The following ACSL5 variants were observed in gnomAD, a reference collection of about 807,000 sequenced individuals.
The protein encoded by ACSL5 is acyl-CoA synthetase long chain family member 5, also known as long-chain-fatty-acid--CoA ligase 5.
ACSL5 carries 50 observed loss-of-function variants against 84.9 expected under a neutral mutation model. That is an observed-to-expected ratio of 0.59 (90% confidence interval 0.47 to 0.75). The LOEUF is 0.75. Ranked by LOEUF, ACSL5 falls within the 30% of genes least tolerant of loss-of-function variation. ACSL5 has a pLI of 0.00. For missense variants in ACSL5, 775 were observed against 830.4 expected, an observed-to-expected ratio of 0.93 and a Z score of 0.82; for synonymous variants, 280 against 300.7, an observed-to-expected ratio of 0.93 and a Z score of 0.71.
rs1281871870 is a variant in ACSL5, at chr10:112,422,010, A to C, written c.1451A>C (p.Tyr484Ser). The stretch of plus-strand genomic sequence containing the variant: ...CTGGAAGATGTGGCTGACATGAACT[A>C]CTTTACAGTGAATAATGAAGGAGAG... The part of the protein sequence containing the change: ...VKLEDVADMN[Y>S]FTVNNEGEVC... Residue 484 changes from tyrosine (Y) to serine (S), a missense_variant, in exon 16 of 21, where the codon TAC becomes TCC. By Grantham distance (144) the Tyr-to-Ser change is moderately radical (BLOSUM62 -2). Coordinates refer to ENST00000354655, the MANE Select transcript of ACSL5 (RefSeq NM_203379.2). The C allele has an allele frequency of 1.2e-6, 2 of 1,614,220 alleles. No homozygotes were observed. Among genetic ancestry groups the C allele is most frequent in the Admixed American group, 3.3e-5 (2 of 60,026 alleles).
intron 1 of ACSL5, chr10:112,394,593 G>A (rs80341964): frequency 2.7e-6 from 1 of 369,020 alleles, no homozygotes; most frequent in Non-Finnish European, 3.7e-6. Flanking sequence ...CTTCTTCCAG[G>A]CTTTGTGCAC....
rs1023317855 is a variant in ACSL5, at chr10:112,408,434, G to A, written c.445G>A (p.Glu149Lys). 3.1e-6 allele frequency: 5 copies of A among 1,611,292 alleles called. No homozygotes were observed. The highest frequency in any genetic ancestry group is 1.3e-5 in the African/African-American group (1 of 74,798). ...TCTCTCTGTACAGTGGATCATCTCC[G>A]AATTGGCTTGTTACACGTACTCTAT... ...AQNRPEWIIS[E>K]LACYTYSMVA... Residue 149 changes from glutamate to lysine, a missense_variant, in exon 6 of 21, where the codon GAA becomes AAA. Coordinates refer to ENST00000354655, the MANE Select transcript of ACSL5 (RefSeq NM_203379.2).
At chr10:112,414,113 G>T (rs926602081) in intron 12 of ACSL5, among the ~76,000 whole-genome samples, 2 of 152,112 alleles carry the variant, frequency 1.3e-5, no homozygotes, top group African/African-American at 4.8e-5. Flanking sequence ...TTGATGACTA[G>T]CACTGCTCTA....
At position 112,411,957 on chromosome 10, in the gene ACSL5, A is replaced by G. The variant is rs1199653119; in HGVS notation, c.926A>G (p.His309Arg). 2 of 1,613,816 alleles carry G rather than the reference A, an allele frequency of 1.2e-6. No individual in the cohort carries two copies. The highest frequency in any genetic ancestry group is 1.7e-6 in the Non-Finnish European group (2 of 1,179,708). ...DVAISYLPLA[H>R]MFERIVQAVV... Reference sequence around the variant, plus strand: ...GCCATATCCTACCTCCCTCTGGCTCATATGTTTGAGAGGATTGTACAGGTG... The same window carrying G: ...GCCATATCCTACCTCCCTCTGGCTCGTATGTTTGAGAGGATTGTACAGGTG... The change falls in exon 11 of 21, where the codon CAT becomes CGT. Residue 309 changes from histidine (H) to arginine (R), a missense_variant. Physicochemically the swap from His to Arg is conservative, Grantham distance 29. Coordinates refer to ENST00000354655, the MANE Select transcript of ACSL5 (RefSeq NM_203379.2).
At chr10:112,423,928 C>G (rs1041132736) in intron 17 of ACSL5, among the ~76,000 whole-genome samples, 1 of 152,132 alleles carries the variant, frequency 6.6e-6, no homozygotes, top group Non-Finnish European at 1.5e-5. Flanking sequence ...GAGTTTGAGA[C>G]CAGCCTGAGC....
chr10:112,423,174 C>T lies in ACSL5; in HGVS notation c.1593+733C>T, dbSNP rs369378648. ...CTGCACTCCAGCCTGGGGGACAGAGCGAGTCTCTGTCTCAAAAAAAAAAAA... is the reference window on the plus strand; with the variant it reads ...CTGCACTCCAGCCTGGGGGACAGAGTGAGTCTCTGTCTCAAAAAAAAAAAA... On this transcript the variant is annotated intron_variant, in intron 17 of 20. Transcript: ENST00000354655. Among the ~76,000 whole-genome samples the T allele has an allele frequency of 3.2e-4, 25 of 78,540 alleles. No homozygotes were observed. The East Asian group carries it at 3.3e-3, about 10-fold the overall frequency. The allele number at this position is 78,540 out of a possible 152,430, so 51.5% of individuals were successfully genotyped here.
intron 5 of ACSL5, among the ~76,000 whole-genome samples, chr10:112,407,588 T>A (rs1392248824): frequency 2.0e-5 from 3 of 152,176 alleles, no homozygotes; most frequent in African/African-American, 7.2e-5. Flanking sequence ...ACCACCCCCA[T>A]GATTCAATTA....
chr10:112,401,843 C>CTTTCTTTCTTT lies in ACSL5; in HGVS notation c.266-2668_266-2667insTTTCTTTCTTT, dbSNP rs1564736549. ...TTCTTTCTTTCTTTCTTTCTTTCTTCCTTCCTTCCTTCCTTTCTTTCTTTC... is the reference window on the plus strand; with the variant it reads ...TTCTTTCTTTCTTTCTTTCTTTCTTCTTTCTTTCTTTCTTCCTTCCTTCCTTTCTTTCTTTC... On this transcript the variant is annotated intron_variant, in intron 3 of 20. Transcript: ENST00000354655. Among the ~76,000 whole-genome samples, 40 of 59,940 alleles carry CTTTCTTTCTTT rather than the reference C, an allele frequency of 6.7e-4. 1 individual carries two copies. Among genetic ancestry groups the CTTTCTTTCTTT allele is most frequent in the Admixed American group, 5.0e-3 (27 of 5,358 alleles). 39.3% of individuals were successfully genotyped at this position (59,940 alleles called of 152,430 possible). A position where few individuals can be genotyped will look rare whatever the true frequency, so the allele number is the denominator to read the frequency against.
intron 17 of ACSL5, among the ~76,000 whole-genome samples, chr10:112,423,017 T>A (rs1463260594): frequency 6.9e-6 from 1 of 143,976 alleles, no homozygotes; most frequent in Non-Finnish European, 1.5e-5. Context: ...TGAAACCCCG[T>A]CTCTACTAAA....
intron 1 of ACSL5, among the ~76,000 whole-genome samples, chr10:112,377,319 C>A (rs954152152): frequency 5.3e-5 from 8 of 152,190 alleles, no homozygotes; most frequent in Non-Finnish European, 8.8e-5. Context: ...GTGGGTGGAT[C>A]ACCTGAAGTC....
chr10:112,378,050 C>T (rs775176298), intron 1 of ACSL5, among the ~76,000 whole-genome samples: 1 of 152,070 alleles, frequency 6.6e-6, no homozygotes, highest in Non-Finnish European at 1.5e-5. Flanking sequence ...CCAACAACAA[C>T]ATCAGCGTGT....
rs34464188 is a variant in ACSL5 at position 112,414,352 on chromosome 10, CTTTTTTTTTTTT to C, written c.1083+1055_1083+1066del. ...AGATTTTTTTTTAATTTCAGTGATT[CTTTTTTTTTTTT>C]TTTTTTTTTGAGACAGAGTCCCACT... is the stretch of plus-strand genomic sequence containing the variant. On this transcript the variant is annotated intron_variant, in intron 12 of 20. Coordinates refer to ENST00000354655, the MANE Select transcript of ACSL5 (RefSeq NM_203379.2). Among the ~76,000 whole-genome samples, 3 of 85,502 alleles carry C rather than the reference CTTTTTTTTTTTT, an allele frequency of 3.5e-5. No homozygotes were observed. The East Asian group carries it at 1.1e-3, about 30-fold the overall frequency. 56.1% of individuals were successfully genotyped at this position (85,502 alleles called of 152,430 possible). A position where few individuals can be genotyped will look rare whatever the true frequency, so the allele number is the denominator to read the frequency against.
intron 1 of ACSL5, among the ~76,000 whole-genome samples, chr10:112,377,463 G>C (rs899366200): frequency 2.0e-5 from 3 of 152,148 alleles, no homozygotes; most frequent in African/African-American, 7.2e-5. Context: ...GAACCTAGGA[G>C]GCGGAGGTTG....
At chr10:112,412,303 T>G (rs1218678979) in intron 11 of ACSL5, 1 of 249,542 alleles carries the variant, frequency 4.0e-6, no homozygotes, top group Non-Finnish European at 7.6e-6. Context: ...TGTCTTCTTT[T>G]TAAATTTTAT....
intron 1 of ACSL5, among the ~76,000 whole-genome samples, chr10:112,381,488 G>A (rs1849347053): frequency 6.6e-6 from 1 of 151,850 alleles, no homozygotes; most frequent in African/African-American, 2.4e-5. Flanking sequence ...CCAACATGGT[G>A]AAACCCCCTC....
chr10:112,422,331 A>G lies in ACSL5; in HGVS notation c.1483A>G (p.Ile495Val), dbSNP rs1202638404. 5 of 1,613,738 alleles carry G rather than the reference A, an allele frequency of 3.1e-6. No individual in the cohort carries two copies. The African/African-American group carries it at 4.0e-5, about 13-fold the overall frequency. ...TTGTATGTCTGCTGTGCAGGTCTGC[A>G]TCAAGGGTACAAACGTGTTCAAAGG... Reference protein sequence around the residue: ...FTVNNEGEVCIKGTNVFKGYL... With the variant: ...FTVNNEGEVCVKGTNVFKGYL... The change falls in exon 17 of 21, where the codon ATC becomes GTC. Residue 495 changes from isoleucine to valine, a missense_variant. Coordinates refer to ENST00000354655, the MANE Select transcript of ACSL5 (RefSeq NM_203379.2).
At chr10:112,387,247 G>C (rs539242815) in intron 1 of ACSL5, among the ~76,000 whole-genome samples, 56 of 152,294 alleles carry the variant, frequency 3.7e-4, no homozygotes, top group African/African-American at 1.3e-3. Context: ...AACTACTTAT[G>C]ATACAGAAAA....
At chr10:112,412,216 G>A (rs1844194425) in intron 11 of ACSL5, 1 of 488,886 alleles carries the variant, frequency 2.0e-6, no homozygotes, top group Non-Finnish European at 3.6e-6. Flanking sequence ...GCCTTCATGG[G>A]GGTGTGTGAG....
intron 1 of ACSL5, among the ~76,000 whole-genome samples, chr10:112,380,324 T>G (rs1192091230): frequency 6.6e-6 from 1 of 152,164 alleles, no homozygotes; most frequent in Non-Finnish European, 1.5e-5. Context: ...GCTACTCAGC[T>G]CAACTGGCCA....
Sources: gnomAD v4.1 joint callset for allele counts (sites outside exome capture counted in the v4.1 genomes callset) on GRCh38, gnomAD v4.1.1 for gene constraint, MANE v1.5 for transcripts, NCBI Gene and HGNC (gene_info 2026-07-23, HGNC 2026-07-21) for gene names.